The following PLPPR1 variants were observed in gnomAD, a reference collection of about 807,000 sequenced individuals.
PLPPR1 encodes the protein phospholipid phosphatase-related protein type 1.
In PLPPR1, 10 loss-of-function variants were observed where a neutral mutation model predicts 33.1. The observed-to-expected ratio is 0.30, with a 90% CI of 0.19 to 0.51. PLPPR1 has a LOEUF of 0.51. Among genes scored for constraint, PLPPR1 ranks in the 20% least tolerant of loss-of-function variants. PLPPR1 has a pLI of 0.97. For missense variants in PLPPR1, 304 were observed against 408.1 expected (o/e 0.74, Z 2.20); for synonymous variants, 151 against 151.0 (o/e 1.00, Z 0.00).
chr9:101,081,185 G>A (rs1830613410), intron 1 of PLPPR1, among the ~76,000 whole-genome samples: 1 of 152,010 alleles, frequency 6.6e-6, no homozygotes, highest in Admixed American at 6.6e-5. Context: ...GTGGTTTGGG[G>A]GGTGGGTGCA....
At chr9:101,242,067 T>C (rs1588091377) in intron 2 of PLPPR1, among the ~76,000 whole-genome samples, 1 of 151,948 alleles carries the variant, frequency 6.6e-6, no homozygotes, top group East Asian at 1.9e-4. Flanking sequence ...GGTTCAGAAG[T>C]CATTGGCAGT....
intron 2 of PLPPR1, among the ~76,000 whole-genome samples, chr9:101,202,104 A>G (rs1417149133): frequency 1.3e-5 from 2 of 152,210 alleles, no homozygotes; most frequent in Non-Finnish European, 2.9e-5. Context: ...GCCACTAAAA[A>G]ACAAGAAGTT....
intron 1 of PLPPR1, among the ~76,000 whole-genome samples, chr9:101,108,093 A>T (rs967852606): frequency 1.4e-5 from 2 of 146,778 alleles, no homozygotes; most frequent in Admixed American, 6.7e-5. Context: ...ATGGAAATGC[A>T]GAAATCACCC....
At chr9:101,081,509 T>A (rs1298258992) in intron 1 of PLPPR1, among the ~76,000 whole-genome samples, 1 of 152,140 alleles carries the variant, frequency 6.6e-6, no homozygotes, top group Non-Finnish European at 1.5e-5. Flanking sequence ...TGTATTTAAT[T>A]CACCACTTTA....
chr9:101,163,260 TGAACTACAAATGCTGAGGGTAA>T (rs1025557694), intron 1 of PLPPR1, among the ~76,000 whole-genome samples: 1 of 152,314 alleles, frequency 6.6e-6, no homozygotes, highest in Non-Finnish European at 1.5e-5. Flanking sequence ...AATAGAGAAC[TGAACTACAAATGCTGAGGGTAA>T]GAACTACAAA....
intron 1 of PLPPR1, among the ~76,000 whole-genome samples, chr9:101,170,941 T>TA (rs113428592): frequency 1.0e-3 from 159 of 151,586 alleles, no homozygotes; most frequent in Admixed American, 1.6e-3. Context: ...TCCTGTCTCT[T>TA]AAAAAAAAGA....
chr9:101,120,101 A>C (rs928505863), intron 1 of PLPPR1, among the ~76,000 whole-genome samples: 6 of 152,264 alleles, frequency 3.9e-5, no homozygotes, highest in Admixed American at 6.5e-5. Context: ...TAAGTCACAC[A>C]TCTTGACACC....
chr9:101,256,798 T>C (rs1306193803), intron 2 of PLPPR1, among the ~76,000 whole-genome samples: 1 of 152,050 alleles, frequency 6.6e-6, no homozygotes, highest in Non-Finnish European at 1.5e-5. Flanking sequence ...ACAATTGAGG[T>C]CAATGGTTCA....
chr9:101,142,955 T>A (rs1243901360), intron 1 of PLPPR1, among the ~76,000 whole-genome samples: 1 of 152,026 alleles, frequency 6.6e-6, no homozygotes, highest in African/African-American at 2.4e-5. Context: ...TTCTGTGAGG[T>A]AGATGTTCAT....
intron 1 of PLPPR1, among the ~76,000 whole-genome samples, chr9:101,092,606 G>A (rs571153536): frequency 4.6e-5 from 7 of 152,048 alleles, no homozygotes; most frequent in East Asian, 1.9e-4. Context: ...TTACTCCCTC[G>A]TGCTGCAGGA....
At chr9:101,309,547 C>T in intron 5 of PLPPR1, 86 bp downstream of exon 5, 1 of 1,410,472 alleles carries the variant, frequency 7.1e-7, no homozygotes, top group Non-Finnish European at 9.7e-7. Flanking sequence ...TTCATTGTCA[C>T]TTATAGCGAC....
chr9:101,044,313 C>A (rs1159417644), intron 1 of PLPPR1, among the ~76,000 whole-genome samples: 1 of 152,220 alleles, frequency 6.6e-6, no homozygotes, highest in Non-Finnish European at 1.5e-5. Context: ...GATCCCCACA[C>A]TCTCCCCTAG....
At chr9:101,297,212 T>G (rs1047235514) in intron 4 of PLPPR1, among the ~76,000 whole-genome samples, 2 of 151,784 alleles carry the variant, frequency 1.3e-5, no homozygotes, top group African/African-American at 4.8e-5. Context: ...GAAAAAGAAC[T>G]AAAGATAATT....
At chr9:101,281,467 A>G (rs1417445694) in intron 3 of PLPPR1, among the ~76,000 whole-genome samples, 1 of 152,168 alleles carries the variant, frequency 6.6e-6, no homozygotes, top group Non-Finnish European at 1.5e-5. Context: ...ATCTTGAGCA[A>G]AAAACAAAAC....
chr9:101,129,699 C>T lies in PLPPR1; in HGVS notation c.-45-55751C>T, dbSNP rs532326178. Among the ~76,000 whole-genome samples, 19 of 152,164 alleles carry T rather than the reference C, an allele frequency of 1.2e-4. No individual in the cohort carries two copies. The East Asian group carries it at 1.4e-3, about 11-fold the overall frequency. On this transcript the variant is annotated intron_variant, in intron 1 of 7. Coordinates refer to ENST00000374874, the MANE Select transcript of PLPPR1 (RefSeq NM_207299.2). ...ACAAAAAAATAGCCAGGTGTGGTGGCGGGCGCCTGTAGTCCCACCTACTCA... is the reference window on the plus strand; with the variant it reads ...ACAAAAAAATAGCCAGGTGTGGTGGTGGGCGCCTGTAGTCCCACCTACTCA...
chr9:101,177,921 A>T (rs971306588), intron 1 of PLPPR1, among the ~76,000 whole-genome samples: 2 of 152,238 alleles, frequency 1.3e-5, no homozygotes, highest in Non-Finnish European at 2.9e-5. Context: ...TAAGGTAATC[A>T]GTATCTGAAT....
chr9:101,147,693 T>A (rs1831537193), intron 1 of PLPPR1, among the ~76,000 whole-genome samples: 1 of 152,070 alleles, frequency 6.6e-6, no homozygotes, highest in Non-Finnish European at 1.5e-5. Context: ...ATTTTGGGAG[T>A]GTGGGGGGAA....
At chr9:101,238,351 G>A (rs10989450) in intron 2 of PLPPR1, among the ~76,000 whole-genome samples, 68,757 of 134,850 alleles carry the variant, frequency 0.51, 19,144 homozygotes, top group African/African-American at 0.75. Flanking sequence ...ATATAGAGGT[G>A]TATATATATA....
chr9:101,059,758 A>T (rs528982859), intron 1 of PLPPR1, among the ~76,000 whole-genome samples: 1 of 152,222 alleles, frequency 6.6e-6, no homozygotes, highest in East Asian at 1.9e-4. Flanking sequence ...AATTAAAACC[A>T]CAATGAAGTA....
Sources: gnomAD v4.1 joint callset for allele counts (sites outside exome capture counted in the v4.1 genomes callset) on GRCh38, gnomAD v4.1.1 for gene constraint, MANE v1.5 for transcripts, NCBI Gene and HGNC (gene_info 2026-07-23, HGNC 2026-07-21) for gene names.